The following PREP variants were observed in gnomAD, a reference collection of about 807,000 sequenced individuals.
PREP encodes prolyl endopeptidase, also known as dJ355L5.1 (prolyl endopeptidase).
PREP carries 29 observed loss-of-function variants against 87.6 expected under a neutral mutation model. The observed-to-expected ratio is 0.33, with a 90% CI of 0.25 to 0.45. PREP has a LOEUF of 0.45. Ranked by LOEUF, PREP falls within the 20% of genes least tolerant of loss-of-function variation. The pLI, the probability that PREP is intolerant of heterozygous loss-of-function variation, is 1.00. For synonymous variants in PREP, 337 were observed against 328.6 expected, an observed-to-expected ratio of 1.03 and a Z score of -0.28; for missense variants, 695 against 886.5, an observed-to-expected ratio of 0.78 and a Z score of 2.74.
At chr6:105,394,843 G>A (rs1012504704) in intron 2 of PREP, among the ~76,000 whole-genome samples, 2 of 152,128 alleles carry the variant, frequency 1.3e-5, no homozygotes, top group Non-Finnish European at 2.9e-5. Flanking sequence ...TGATAGCAAC[G>A]ACAAAAAGCA....
intron 12 of PREP, among the ~76,000 whole-genome samples, chr6:105,284,701 G>A (rs559718327): frequency 1.4e-3 from 206 of 152,318 alleles, no homozygotes; most frequent in Middle Eastern, 6.8e-3. Context: ...AACCTCTTCA[G>A]ACCACTGGTT....
At chr6:105,381,445 GA>G (rs1772835486) in intron 2 of PREP, among the ~76,000 whole-genome samples, 1 of 152,030 alleles carries the variant, frequency 6.6e-6, no homozygotes, top group African/African-American at 2.4e-5. Flanking sequence ...GGAAAAGGGA[GA>G]AAAAGAATAA....
chr6:105,329,114 A>G, intron 8 of PREP, 88 bp from the exon 9 acceptor site: 2 of 1,243,428 alleles, frequency 1.6e-6, no homozygotes, highest in Non-Finnish European at 2.3e-6. Flanking sequence ...AGAGCTACAC[A>G]TAGGGCTATG....
At chr6:105,341,300 C>T (rs1040525635) in intron 7 of PREP, among the ~76,000 whole-genome samples, 27 of 152,080 alleles carry the variant, frequency 1.8e-4, no homozygotes, top group African/African-American at 6.0e-4. Context: ...GGGTACATAA[C>T]GAAATGAAGG....
intron 7 of PREP, among the ~76,000 whole-genome samples, chr6:105,337,461 C>T (rs952836984): frequency 1.2e-4 from 18 of 152,264 alleles, no homozygotes; most frequent in African/African-American, 4.1e-4. Flanking sequence ...TCCTGTCTTC[C>T]CCGACCCCTC....
chr6:105,333,533 T>C, intron 7 of PREP, 28 bp from the exon 8 acceptor site: 2 of 1,608,338 alleles, frequency 1.2e-6, no homozygotes, highest in Non-Finnish European at 1.7e-6. Context: ...ATTCTCATCA[T>C]CTCTCTAATG....
Position 105,377,523 on chromosome 6 carries a change from T to C in PREP, c.121-4A>G. On this transcript the variant is annotated splice_region_variant and splice_polypyrimidine_tract_variant and intron_variant, in intron 2 of 14. Coordinates refer to ENST00000652536, the MANE Select transcript of PREP (RefSeq NM_002726.5). ...TATTCTGGGCCTCCACAAAGGCCTG[T>C]GGAGAAATTAAAATGGACAAAGCAA... 1.2e-6 allele frequency: 2 copies of C among 1,610,774 alleles called. No individual in the cohort carries two copies. The highest frequency in any genetic ancestry group is 1.7e-4 in the Middle Eastern group (1 of 6,056).
At chr6:105,340,060 C>T (rs771737267) in intron 7 of PREP, among the ~76,000 whole-genome samples, 2 of 151,910 alleles carry the variant, frequency 1.3e-5, no homozygotes, top group Non-Finnish European at 2.9e-5. Flanking sequence ...AGATACTCCT[C>T]GAGAAGAGAA....
chr6:105,286,896 C>A, intron 11 of PREP, among the ~76,000 whole-genome samples: 1 of 72 alleles, frequency 0.014, no homozygotes, highest in Non-Finnish European at 0.036. Context: ...AGGATCCACT[C>A]AGGAATCAGT....
intron 2 of PREP, among the ~76,000 whole-genome samples, chr6:105,395,757 A>T (rs1449638312): frequency 6.6e-6 from 1 of 152,264 alleles, no homozygotes; most frequent in Non-Finnish European, 1.5e-5. Context: ...TCATTTTGAC[A>T]GTGCTAAATC....
At chr6:105,281,598 AC>A in intron 14 of PREP, 147 bp downstream of exon 14, 1 of 941,940 alleles carries the variant, frequency 1.1e-6, no homozygotes, top group Non-Finnish European at 1.5e-6. Context: ...ATCAAGAAAG[AC>A]AAGTAGGTAG....
Position 105,397,901 on chromosome 6 carries a change from A to G in PREP, c.72T>C (p.Ile24=), listed in dbSNP as rs760047800. 42 of 1,611,746 alleles carry G rather than the reference A, an allele frequency of 2.6e-5. 3 individuals carry two copies. The Admixed American group carries it at 6.8e-4, about 26-fold the overall frequency. The change falls in exon 2 of 15, where the codon ATT becomes ATC. Residue 24 remains isoleucine (I), a synonymous_variant. Coordinates refer to ENST00000652536, the MANE Select transcript of PREP (RefSeq NM_002726.5). ...CTTCAAGCCAGGCGTAAGGGTCACA[A>G]ATTTTATGACCATGATAATCCTGTA... is the stretch of plus-strand genomic sequence containing the variant. ...TAVQDYHGHK[I]CDPYAWLEDP...
At chr6:105,284,800 C>T (rs1332319016) in intron 12 of PREP, among the ~76,000 whole-genome samples, 1 of 152,218 alleles carries the variant, frequency 6.6e-6, no homozygotes, top group Non-Finnish European at 1.5e-5. Flanking sequence ...CTTTAAAATA[C>T]AGACGATCAT....
chr6:105,373,342 T>C, intron 5 of PREP, 27 bp downstream of exon 5: 1 of 1,604,050 alleles, frequency 6.2e-7, no homozygotes, highest in Non-Finnish European at 8.5e-7. Context: ...TTGTGAAAAA[T>C]GTGCTTCATC....
chr6:105,345,892 G>A (rs1257231263), intron 7 of PREP, among the ~76,000 whole-genome samples: 1 of 152,128 alleles, frequency 6.6e-6, no homozygotes, highest in African/African-American at 2.4e-5. Context: ...CTGACACACA[G>A]GAAATGTTAC....
rs555549049 is a variant in PREP, at chr6:105,328,580, C to T, written c.1213+249G>A. Reference sequence around the variant, plus strand: ...GTACTAATTTTTAATCAATCTAGAACGTTAGCTGTTCCTGCCTCCAGAGGA... The same window carrying T: ...GTACTAATTTTTAATCAATCTAGAATGTTAGCTGTTCCTGCCTCCAGAGGA... On this transcript the variant is annotated intron_variant, in intron 9 of 14. Coordinates refer to ENST00000652536, the MANE Select transcript of PREP (RefSeq NM_002726.5). 4.1e-4 allele frequency among the ~76,000 whole-genome samples: 63 copies of T among 152,164 alleles called. 1 individual carries two copies. The South Asian group carries it at 8.1e-3, about 20-fold the overall frequency.
At position 105,352,830 on chromosome 6, in the gene PREP, T is replaced by C. The variant is rs1369240272; in HGVS notation, c.823+142A>G. 9 of 720,646 alleles carry C rather than the reference T, an allele frequency of 1.2e-5. No individual in the cohort carries two copies. The Admixed American group carries it at 1.5e-4, about 12-fold the overall frequency. The allele number at this position is 720,646 out of a possible 1,614,324, so 44.6% of individuals were successfully genotyped here. ...CATTTTCCCTCATTTTATGGAATAG[T>C]ACTAAAAGAAAAAAAATCAGATGAA... On this transcript the variant is annotated intron_variant, in intron 7 of 14. Transcript: ENST00000652536.
intron 10 of PREP, among the ~76,000 whole-genome samples, chr6:105,304,744 A>G (rs1306223672): frequency 1.3e-5 from 2 of 152,184 alleles, no homozygotes; most frequent in East Asian, 3.8e-4. Context: ...GGTAGTTTGA[A>G]TGGTGTTTCA....
chr6:105,319,554 T>C (rs1442944138), intron 10 of PREP, among the ~76,000 whole-genome samples: 1 of 152,192 alleles, frequency 6.6e-6, no homozygotes, highest in Admixed American at 6.5e-5. Flanking sequence ...CACTATTCCA[T>C]CAACTGAGAA....
Sources: gnomAD v4.1 joint callset for allele counts (sites outside exome capture counted in the v4.1 genomes callset) on GRCh38, gnomAD v4.1.1 for gene constraint, MANE v1.5 for transcripts, NCBI Gene and HGNC (gene_info 2026-07-23, HGNC 2026-07-21) for gene names.